Variants in RASGEF1C observed in about 807,000 individuals in gnomAD.
RASGEF1C encodes ras-GEF domain-containing family member 1C.
Under a neutral mutation model 58.1 loss-of-function variants are expected in RASGEF1C, and 27 were observed. The observed-to-expected ratio is 0.46, with a 90% CI of 0.34 to 0.64. The LOEUF (loss-of-function observed/expected upper bound fraction) is 0.64, where lower values mean the gene tolerates loss of function less well. RASGEF1C is among the 30% of genes least tolerant of loss of function. RASGEF1C has a pLI of 0.01. For missense variants in RASGEF1C, 502 were observed against 605.1 expected (o/e 0.83, Z 1.79); for synonymous variants, 243 against 246.3 (o/e 0.99, Z 0.13).
intron 1 of RASGEF1C, among the ~76,000 whole-genome samples, chr5:180,188,668 C>G (rs1403673596): frequency 1.3e-5 from 2 of 152,162 alleles, no homozygotes; most frequent in African/African-American, 4.8e-5. Flanking sequence ...ACTTTCTTTT[C>G]TTCTTTTATA....
Position 180,137,753 on chromosome 5 carries a change from C to T in RASGEF1C, c.178-41G>A, listed in dbSNP as rs1387998693. ...GAAAGAGGGCACAGGCTCAGGAGGG[C>T]ACCAGGAGGGGCATGCTTCCCAGCT... is the stretch of plus-strand genomic sequence containing the variant. On this transcript the variant is annotated intron_variant, in intron 2 of 13. Transcript: ENST00000361132. This position sits in a 1 kb window ranked among gnomAD's most constrained non-coding sequence, Gnocchi z 4.1. The T allele has an allele frequency of 7.5e-6, 12 of 1,609,684 alleles. No individual in the cohort carries two copies. The highest frequency in any genetic ancestry group is 1.3e-5 in the African/African-American group (1 of 75,002).
intron 1 of RASGEF1C, among the ~76,000 whole-genome samples, chr5:180,169,539 G>C (rs923797652): frequency 2.7e-5 from 4 of 150,828 alleles, no homozygotes; most frequent in African/African-American, 7.3e-5. Context: ...GGGCCCAAGG[G>C]GAAGGTCTGG....
intron 1 of RASGEF1C, among the ~76,000 whole-genome samples, chr5:180,153,654 T>C (rs1159905750): frequency 6.6e-6 from 1 of 152,206 alleles, no homozygotes; most frequent in Admixed American, 6.5e-5. Context: ...GTGTTTTGTA[T>C]ATGGCTTTGT....
In RASGEF1C at chr5:180,156,606, T is replaced by C. The variant is rs1766855153; in HGVS notation, c.-6-18548A>G. On this transcript the variant is annotated intron_variant, in intron 1 of 13. Coordinates refer to ENST00000361132, the MANE Select transcript of RASGEF1C (RefSeq NM_175062.4). This position sits in a 1 kb window ranked among gnomAD's most constrained non-coding sequence, Gnocchi z 4.9. The stretch of plus-strand genomic sequence containing the variant: ...CAACATGGTGAGATCCTGTCTCTAC[T>C]AAAAATTACTAAAAAATTAGCTGGG... Among the ~76,000 whole-genome samples the C allele has an allele frequency of 6.6e-6, 1 of 151,828 alleles. No individual in the cohort carries two copies. The highest frequency in any genetic ancestry group is 1.5e-5 in the Non-Finnish European group (1 of 67,962).
At chr5:180,112,840 TGGAGGGACCAAGGATGGAC>T (rs1427318680) in intron 11 of RASGEF1C, among the ~76,000 whole-genome samples, 4 of 151,708 alleles carry the variant, frequency 2.6e-5, no homozygotes, top group African/African-American at 7.3e-5. Flanking sequence ...TGAGGATGGA[TGGAGGGACCAAGGATGGAC>T]GGAGGGACCG....
chr5:180,123,860 G>A (rs1036268534), intron 6 of RASGEF1C, among the ~76,000 whole-genome samples: 1 of 152,092 alleles, frequency 6.6e-6, no homozygotes, highest in Admixed American at 6.5e-5. Context: ...CAAAATACTA[G>A]AGATGGATCA....
chr5:180,207,411 A>C (rs1756507646), intron 1 of RASGEF1C, among the ~76,000 whole-genome samples: 1 of 152,228 alleles, frequency 6.6e-6, no homozygotes, highest in Non-Finnish European at 1.5e-5. Context: ...GGTCCCACGC[A>C]AGGAACCAAG....
chr5:180,124,165 G>A (rs1389704738), intron 6 of RASGEF1C, among the ~76,000 whole-genome samples: 1 of 151,738 alleles, frequency 6.6e-6, no homozygotes, highest in East Asian at 1.9e-4. Flanking sequence ...CCAGGAGGCA[G>A]AGCTCGCAGT....
intron 12 of RASGEF1C, among the ~76,000 whole-genome samples, chr5:180,103,291 A>G (rs553075060): frequency 1.8e-4 from 28 of 152,176 alleles, no homozygotes; most frequent in South Asian, 2.1e-4. Flanking sequence ...GTTAGCCAGG[A>G]TGGTCTCGAT....
chr5:180,208,722 C>A (rs997953960), intron 1 of RASGEF1C, among the ~76,000 whole-genome samples: 1 of 152,260 alleles, frequency 6.6e-6, no homozygotes, highest in South Asian at 2.1e-4. Context: ...GCTCTTCCTG[C>A]CACTCTAGCG....
chr5:180,128,379 C>A, intron 5 of RASGEF1C, 31 bp downstream of exon 5: 1 of 1,590,424 alleles, frequency 6.3e-7, no homozygotes, highest in Non-Finnish European at 8.6e-7. Context: ...TGCTGAATCC[C>A]GGGTGAGGAA....
intron 6 of RASGEF1C, 142 bp from the exon 7 acceptor site, chr5:180,121,291 G>C (rs1766163403): frequency 1.6e-6 from 1 of 617,196 alleles, no homozygotes; most frequent in Non-Finnish European, 2.9e-6. Flanking sequence ...GATTTGGTAT[G>C]TACGCTTTCA....
intron 1 of RASGEF1C, among the ~76,000 whole-genome samples, chr5:180,185,050 T>C (rs1240087024): frequency 2.0e-5 from 3 of 152,254 alleles, no homozygotes; most frequent in Non-Finnish European, 2.9e-5. Context: ...CCCAGCACTT[T>C]GGGAGGCCGA....
In RASGEF1C at chr5:180,163,231, CT is replaced by C. The variant is rs1220517606; in HGVS notation, c.-6-25174del. 1.0e-2 allele frequency among the ~76,000 whole-genome samples: 194 copies of C among 19,478 alleles called. 7 individuals carry two copies. Among genetic ancestry groups the C allele is most frequent in the Middle Eastern group, 0.031 (1 of 32 alleles). The allele number at this position is 19,478 out of a possible 152,430, so 12.8% of individuals were successfully genotyped here. A position where few individuals can be genotyped will look rare whatever the true frequency, so the allele number is the denominator to read the frequency against. On this transcript the variant is annotated intron_variant, in intron 1 of 13. Coordinates refer to ENST00000361132, the MANE Select transcript of RASGEF1C (RefSeq NM_175062.4). ...TTCCCTTCCTCTCACCACCCCCTCA[CT>C]TTTTTTTTTTTTTTTTTTTTCCAGC...
chr5:180,166,835 G>A (rs1767031341), intron 1 of RASGEF1C, among the ~76,000 whole-genome samples: 1 of 152,154 alleles, frequency 6.6e-6, no homozygotes, highest in South Asian at 2.1e-4. Context: ...ATTTTTAATA[G>A]ATGTAGAGTT....
rs140242461 is a variant in RASGEF1C at position 180,180,646 on chromosome 5, C to T, written c.-7+28382G>A. ...CAGGACCTGGCTCCTGCCCAAGGAA[C>T]GGCCAAACCCATTGCCACAAGCAGG... On this transcript the variant is annotated intron_variant, in intron 1 of 13. Coordinates refer to ENST00000361132, the MANE Select transcript of RASGEF1C (RefSeq NM_175062.4). Among the ~76,000 whole-genome samples, 100 of 152,364 alleles carry T rather than the reference C, an allele frequency of 6.6e-4. No homozygotes were observed. The East Asian group carries it at 0.013, about 19-fold the overall frequency.
Position 180,137,945 on chromosome 5 carries a change from T to C in RASGEF1C, c.108A>G (p.Gly36=). 6.2e-7 allele frequency: 1 copy of C among 1,612,416 alleles called. No homozygotes were observed. The highest frequency in any genetic ancestry group is 8.5e-7 in the Non-Finnish European group (1 of 1,179,632). ...TTTCCAGGGAGGCTGAGGATGGCGCTCCATCCAGGAGGGGCTGCCCAGCCT... is the reference window on the plus strand; with the variant it reads ...TTTCCAGGGAGGCTGAGGATGGCGCCCCATCCAGGAGGGGCTGCCCAGCCT... The part of the protein sequence containing the change: ...GEQAGQPLLD[G]APSSASLETL... Residue 36 remains glycine, a synonymous_variant, in exon 2 of 14, where the codon GGA becomes GGG. Coordinates refer to ENST00000361132, the MANE Select transcript of RASGEF1C (RefSeq NM_175062.4). This position sits in a 1 kb window ranked among gnomAD's most constrained non-coding sequence, Gnocchi z 4.1.
chr5:180,179,097 G>A (rs554008680), intron 1 of RASGEF1C, among the ~76,000 whole-genome samples: 20 of 152,326 alleles, frequency 1.3e-4, no homozygotes, highest in Admixed American at 5.9e-4. Flanking sequence ...GGGCTGGAGG[G>A]AGAGTCGTGG....
At chr5:180,189,532 T>G (rs1756107048) in intron 1 of RASGEF1C, among the ~76,000 whole-genome samples, 1 of 152,170 alleles carries the variant, frequency 6.6e-6, no homozygotes, top group East Asian at 1.9e-4. Flanking sequence ...AAAGATCAAC[T>G]GAAAACAACT....
Sources: gnomAD v4.1 joint callset for allele counts (sites outside exome capture counted in the v4.1 genomes callset) on GRCh38, gnomAD v4.1.1 for gene constraint, Gnocchi (gnomAD v3.1) non-coding constraint, MANE v1.5 for transcripts, NCBI Gene and HGNC (gene_info 2026-07-23, HGNC 2026-07-21) for gene names.